Variants in NXPE2 observed in about 807,000 individuals in gnomAD.
The protein encoded by NXPE2 is NXPE family member 2.
In NXPE2, 34 loss-of-function variants were observed where a neutral mutation model predicts 34.4. That is an observed-to-expected ratio of 0.99 (90% CI 0.75 to 1.31). The LOEUF is 1.31. Ranked by LOEUF, NXPE2 falls within the 40% of genes most tolerant of loss-of-function variation. NXPE2 has a pLI of 0.00. For missense variants in NXPE2, 649 were observed against 672.5 expected (o/e 0.97, Z 0.39); for synonymous variants, 235 against 231.3 (o/e 1.02, Z -0.15).
the NXPE2 span, chr11:114,529,767 G>C: frequency 5.7e-6 from 1 of 175,628 alleles, no homozygotes; most frequent in Non-Finnish European, 1.2e-5. Context: ...AGCTGGTATG[G>C]GTAATCTAGA....
chr11:114,615,313 T>C, the NXPE2 span, among the ~76,000 whole-genome samples: 2 of 151,932 alleles, frequency 1.3e-5, no homozygotes, highest in Non-Finnish European at 2.9e-5. Context: ...TATTGCCTTG[T>C]GGGTAACCAC....
chr11:114,639,476 G>T, the NXPE2 span, among the ~76,000 whole-genome samples: 1 of 151,374 alleles, frequency 6.6e-6, no homozygotes, highest in Non-Finnish European at 1.5e-5. Context: ...TGCCCCCACT[G>T]TCCTGTGCCC....
chr11:114,664,732 C>T, the NXPE2 span, among the ~76,000 whole-genome samples: 1 of 152,162 alleles, frequency 6.6e-6, no homozygotes, highest in African/African-American at 2.4e-5. Flanking sequence ...ACCGTACTTC[C>T]AATTTTGAAT....
At chr11:114,733,266 T>C in the NXPE2 span, among the ~76,000 whole-genome samples, 1 of 152,166 alleles carries the variant, frequency 6.6e-6, no homozygotes, top group African/African-American at 2.4e-5. Flanking sequence ...GCTAATTTTT[T>C]GTATTTTTAG....
At chr11:114,716,321 T>G in the NXPE2 span, among the ~76,000 whole-genome samples, 1 of 152,172 alleles carries the variant, frequency 6.6e-6, no homozygotes, top group Non-Finnish European at 1.5e-5. Flanking sequence ...TCTTTCTGCC[T>G]CTTCTGCATG....
chr11:114,615,288 C>T, the NXPE2 span, among the ~76,000 whole-genome samples: 1 of 151,938 alleles, frequency 6.6e-6, no homozygotes, highest in South Asian at 2.1e-4. Context: ...CCACTGTTAC[C>T]TGGTGGATGA....
the NXPE2 span, among the ~76,000 whole-genome samples, chr11:114,609,864 A>T: frequency 6.6e-6 from 1 of 151,744 alleles, no homozygotes; most frequent in African/African-American, 2.4e-5. Context: ...CCTCGCGGGT[A>T]ACCACTCTTA....
chr11:114,475,518 T>C, the NXPE2 span, among the ~76,000 whole-genome samples: 1 of 152,184 alleles, frequency 6.6e-6, no homozygotes, highest in Admixed American at 6.5e-5. Flanking sequence ...ATTACAGGCA[T>C]GAGCCATCAC....
the NXPE2 span, among the ~76,000 whole-genome samples, chr11:114,602,671 G>T: frequency 7.1e-6 from 1 of 140,478 alleles, no homozygotes; most frequent in African/African-American, 2.6e-5. Context: ...AATAATTACA[G>T]AATCATATGT....
chr11:114,581,610 G>A, the NXPE2 span: 1 of 811,358 alleles, frequency 1.2e-6, no homozygotes, highest in Non-Finnish European at 2.0e-6. Flanking sequence ...CCTTAGATAA[G>A]CCAGATGAAC....
the NXPE2 span, among the ~76,000 whole-genome samples, chr11:114,564,746 G>C: frequency 2.2e-4 from 34 of 152,082 alleles, no homozygotes; most frequent in South Asian, 6.5e-3. Context: ...CCAGGACAAT[G>C]GATTGAATGC....
chr11:114,702,982 TCCGATAGAGTGAATTCA>T (rs1181849603), intron 3 of NXPE2, among the ~76,000 whole-genome samples: 1 of 152,170 alleles, frequency 6.6e-6, no homozygotes, highest in Non-Finnish European at 1.5e-5. Flanking sequence ...TGGATTTCAT[TCCGATAGAGTGAATTCA>T]ATTTGGCTGG....
At chr11:114,641,333 G>A in the NXPE2 span, among the ~76,000 whole-genome samples, 11 of 152,050 alleles carry the variant, frequency 7.2e-5, no homozygotes, top group African/African-American at 2.2e-4. Context: ...GAAGCAATAC[G>A]TTATTTTCAA....
the NXPE2 span, among the ~76,000 whole-genome samples, chr11:114,579,776 G>T: frequency 6.6e-6 from 1 of 152,204 alleles, no homozygotes; most frequent in Admixed American, 6.5e-5. Context: ...AACCCAGGTT[G>T]TCTGGTTCTA....
At chr11:114,521,721 T>C in the NXPE2 span, 1 of 422,824 alleles carries the variant, frequency 2.4e-6, no homozygotes, top group Non-Finnish European at 4.2e-6. Flanking sequence ...AACATGGCTT[T>C]TAAAAAACTT....
chr11:114,700,248 C>T (rs912160630), intron 3 of NXPE2, among the ~76,000 whole-genome samples: 1 of 152,150 alleles, frequency 6.6e-6, no homozygotes, highest in Non-Finnish European at 1.5e-5. Flanking sequence ...GATGACCCCA[C>T]GGCTCTAAGG....
chr11:114,568,614 A>G, the NXPE2 span, among the ~76,000 whole-genome samples: 1 of 152,064 alleles, frequency 6.6e-6, no homozygotes, highest in Non-Finnish European at 1.5e-5. Flanking sequence ...GCCATAGGTA[A>G]TAAGGCCACA....
the NXPE2 span, among the ~76,000 whole-genome samples, chr11:114,743,819 A>C: frequency 6.6e-6 from 1 of 151,264 alleles, no homozygotes; most frequent in East Asian, 1.9e-4. Flanking sequence ...ATGTGTGTGT[A>C]TATATATAGA....
chr11:114,759,076 G>A, the NXPE2 span, among the ~76,000 whole-genome samples: 30 of 151,288 alleles, frequency 2.0e-4, no homozygotes, highest in Non-Finnish European at 5.9e-5. Flanking sequence ...AAACACACAC[G>A]CACATGCGTA....
Sources: gnomAD v4.1 joint callset for allele counts (sites outside exome capture counted in the v4.1 genomes callset) on GRCh38, gnomAD v4.1.1 for gene constraint, MANE v1.5 for transcripts, NCBI Gene and HGNC (gene_info 2026-07-23, HGNC 2026-07-21) for gene names.